B3GALT1: variants seen among roughly 807,000 people sequenced by gnomAD.
The protein encoded by B3GALT1 is UDP-Gal:betaGlcNAc beta 1,3-galactosyltransferase, polypeptide 1.
A neutral mutation model predicts 23.2 loss-of-function variants in B3GALT1; 10 were observed. The ratio of observed to expected loss-of-function variants is 0.43; its 90% CI spans 0.27 to 0.73. The LOEUF (loss-of-function observed/expected upper bound fraction) is 0.73, where lower values mean the gene tolerates loss of function less well. Among genes scored for constraint, B3GALT1 ranks in the 30% least tolerant of loss-of-function variants. B3GALT1 has a pLI of 0.21. For synonymous variants in B3GALT1, 156 were observed against 141.5 expected, an observed-to-expected ratio of 1.10 and a Z score of -0.73; for missense variants, 299 against 405.4, an observed-to-expected ratio of 0.74 and a Z score of 2.25.
rs534655209 is a variant in B3GALT1, at chr2:167,306,379, T to C, written c.-511+13045T>C. Among the ~76,000 whole-genome samples, 34 of 152,204 alleles carry C rather than the reference T, an allele frequency of 2.2e-4. No individual in the cohort carries two copies. In the East Asian group the frequency reaches 6.2e-3, roughly 28 times the overall value. On this transcript the variant is annotated intron_variant, in intron 1 of 4. Transcript: ENST00000392690. ...TTTAAATAGGCAAAATATACACATA[T>C]GAACACTGAAATTATAAATATGTTG...
At position 167,743,082 on chromosome 2, in the gene B3GALT1, A is replaced by G. The variant is rs143708345; in HGVS notation, c.-351-75590A>G. 6.5e-3 allele frequency among the ~76,000 whole-genome samples: 995 copies of G among 152,228 alleles called. 8 individuals carry two copies. Among genetic ancestry groups the G allele is most frequent in the Non-Finnish European group, 0.01 (701 of 67,972 alleles). ...TATTATTTTTAAGGAGCATCCATAT[A>G]TAATTGTTACTGTAGCTATAGTTCA... On this transcript the variant is annotated intron_variant, in intron 3 of 4. Coordinates refer to ENST00000392690, the MANE Select transcript of B3GALT1 (RefSeq NM_020981.4).
At chr2:167,595,195 A>G (rs1054492987) in intron 2 of B3GALT1, among the ~76,000 whole-genome samples, 17 of 152,172 alleles carry the variant, frequency 1.1e-4, no homozygotes, top group Admixed American at 2.0e-4. Flanking sequence ...TGTGGGGACC[A>G]GCAGAGCAGT....
At chr2:167,769,657 T>C (rs1335270840) in intron 3 of B3GALT1, among the ~76,000 whole-genome samples, 1 of 152,184 alleles carries the variant, frequency 6.6e-6, no homozygotes, top group African/African-American at 2.4e-5. Context: ...AATAGCATCA[T>C]ACAATATATA....
intron 2 of B3GALT1, among the ~76,000 whole-genome samples, chr2:167,534,728 T>A (rs1683386852): frequency 6.6e-6 from 1 of 152,172 alleles, no homozygotes; most frequent in African/African-American, 2.4e-5. Flanking sequence ...GATATTTAGA[T>A]ATTTATATGA....
chr2:167,602,145 T>G (rs1684888651), intron 2 of B3GALT1, among the ~76,000 whole-genome samples: 1 of 152,160 alleles, frequency 6.6e-6, no homozygotes, highest in Non-Finnish European at 1.5e-5. Context: ...AATTCCAGAC[T>G]GACCTGAAAG....
intron 1 of B3GALT1, among the ~76,000 whole-genome samples, chr2:167,445,685 C>T (rs186168868): frequency 6.6e-6 from 1 of 151,954 alleles, no homozygotes; most frequent in Non-Finnish European, 1.5e-5. Context: ...GGATTGGAAC[C>T]CCTGCTTTTT....
chr2:167,506,208 T>G (rs1317648309), intron 2 of B3GALT1, among the ~76,000 whole-genome samples: 5 of 152,194 alleles, frequency 3.3e-5, no homozygotes, highest in African/African-American at 1.2e-4. Context: ...TTCATATAAG[T>G]CGTGCTGCCC....
chr2:167,371,249 A>C (rs1373677006), intron 1 of B3GALT1, among the ~76,000 whole-genome samples: 1 of 152,102 alleles, frequency 6.6e-6, no homozygotes, highest in African/African-American at 2.4e-5. Context: ...GTACTCAAAA[A>C]TATTTCTCAA....
At chr2:167,836,677 C>G (rs1236428834) in intron 4 of B3GALT1, among the ~76,000 whole-genome samples, 2 of 152,116 alleles carry the variant, frequency 1.3e-5, no homozygotes, top group African/African-American at 4.8e-5. Flanking sequence ...ATACAGAGAA[C>G]ACCACAAAGA....
chr2:167,351,465 G>A (rs1273232797), intron 1 of B3GALT1, among the ~76,000 whole-genome samples: 1 of 152,020 alleles, frequency 6.6e-6, no homozygotes, highest in African/African-American at 2.4e-5. Context: ...ATAAGCCTTG[G>A]CAATTTTGCA....
At chr2:167,703,991 C>G (rs1281223270) in intron 3 of B3GALT1, among the ~76,000 whole-genome samples, 1 of 151,922 alleles carries the variant, frequency 6.6e-6, no homozygotes. Flanking sequence ...ACCTTCCTGG[C>G]TAACACGGTG....
intron 3 of B3GALT1, among the ~76,000 whole-genome samples, chr2:167,800,047 A>G (rs888748029): frequency 4.6e-5 from 7 of 152,232 alleles, no homozygotes; most frequent in African/African-American, 7.2e-5. Context: ...TGTTTTGTAC[A>G]CTAACTTATT....
At chr2:167,859,953 T>A (rs1472437683) in intron 4 of B3GALT1, among the ~76,000 whole-genome samples, 1 of 152,178 alleles carries the variant, frequency 6.6e-6, no homozygotes, top group Non-Finnish European at 1.5e-5. Context: ...GTTAGCAAAC[T>A]GGATAGCATA....
chr2:167,492,937 T>C (rs1246541861), intron 2 of B3GALT1, among the ~76,000 whole-genome samples: 1 of 151,856 alleles, frequency 6.6e-6, no homozygotes, highest in African/African-American at 2.4e-5. Flanking sequence ...GAGGTCATAA[T>C]AGGCAAAGAC....
At chr2:167,753,454 G>A (rs146336671) in intron 3 of B3GALT1, among the ~76,000 whole-genome samples, 13 of 152,296 alleles carry the variant, frequency 8.5e-5, no homozygotes, top group Non-Finnish European at 1.8e-4. Flanking sequence ...AAGCCATTTG[G>A]TGATCCTCCC....
intron 1 of B3GALT1, among the ~76,000 whole-genome samples, chr2:167,424,460 G>C (rs1189966769): frequency 1.3e-5 from 2 of 152,134 alleles, no homozygotes; most frequent in African/African-American, 4.8e-5. Context: ...CTGCTAAAAT[G>C]CCAGAAGGAA....
chr2:167,563,305 C>T (rs1165453393), intron 2 of B3GALT1, among the ~76,000 whole-genome samples: 46 of 128,780 alleles, frequency 3.6e-4, no homozygotes, highest in South Asian at 2.5e-3. Flanking sequence ...TAGGGGCGGC[C>T]GGGCAGAGGC....
At chr2:167,746,905 C>T (rs187614239) in intron 3 of B3GALT1, among the ~76,000 whole-genome samples, 2 of 152,242 alleles carry the variant, frequency 1.3e-5, no homozygotes, top group Non-Finnish European at 2.9e-5. Context: ...GTTGAAAGTG[C>T]ATGCATTCTA....
At chr2:167,659,785 A>G (rs1042052376) in intron 3 of B3GALT1, among the ~76,000 whole-genome samples, 8 of 152,002 alleles carry the variant, frequency 5.3e-5, no homozygotes, top group African/African-American at 1.9e-4. Flanking sequence ...CCAGATCACC[A>G]ATAGTTGAGT....
Sources: gnomAD v4.1 joint callset for allele counts (sites outside exome capture counted in the v4.1 genomes callset) on GRCh38, gnomAD v4.1.1 for gene constraint, MANE v1.5 for transcripts, NCBI Gene and HGNC (gene_info 2026-07-23, HGNC 2026-07-21) for gene names.